ADGRF3: variants seen among roughly 807,000 people sequenced by gnomAD.
ADGRF3 encodes the protein adhesion G protein-coupled receptor F3.
ADGRF3 carries 85 observed loss-of-function variants against 93.2 expected under a neutral mutation model. The observed-to-expected ratio is 0.91, with a 90% CI of 0.77 to 1.09. The LOEUF (loss-of-function observed/expected upper bound fraction) is 1.09, where lower values mean the gene tolerates loss of function less well. Ranked by LOEUF, ADGRF3 falls within the 50% of genes least tolerant of loss-of-function variation. The pLI, the probability that ADGRF3 is intolerant of heterozygous loss-of-function variation, is 0.00. For synonymous variants in ADGRF3, 534 were observed against 532.5 expected, an observed-to-expected ratio of 1.00 and a Z score of -0.04; for missense variants, 1,125 against 1,246.2, an observed-to-expected ratio of 0.90 and a Z score of 1.46.
In ADGRF3 at chr2:26,314,567, C is replaced by G; in HGVS notation, c.775G>C (p.Val259Leu). Residue 259 changes from valine to leucine, a missense_variant, in exon 6 of 14, where the codon GTG (valine) becomes CTG (leucine). Physicochemically the swap from Val to Leu is conservative, Grantham distance 32. Coordinates refer to ENST00000651242, the MANE Select transcript of ADGRF3 (RefSeq NM_001321971.2). The part of the protein sequence containing the change: ...QGFKWNLYEV[V>L]RVPLKATDVA... Reference sequence around the variant, plus strand: ...TCTGTCGCCTTCAAGGGCACCCTCACCACCTCATACAGGTTCCACTTGAAG... The same window carrying G: ...TCTGTCGCCTTCAAGGGCACCCTCAGCACCTCATACAGGTTCCACTTGAAG... 1.2e-6 allele frequency: 2 copies of G among 1,614,078 alleles called. No individual in the cohort carries two copies. Among genetic ancestry groups the G allele is most frequent in the Non-Finnish European group, 1.7e-6 (2 of 1,179,904 alleles).
At position 26,313,830 on chromosome 2, in the gene ADGRF3, C is replaced by T. The variant is rs200075286; in HGVS notation, c.1002G>A (p.Thr334=). ...CCAGGCTCTGCAGGTCACAAGCGTA[C>T]GTGGTGTCAGCCATCGGGCAGCGCT... ...AVQRCPMADT[T]YACDLQSLGL... The change falls in exon 7 of 14, where the codon ACG becomes ACA. Residue 334 remains threonine (T), a synonymous_variant. Coordinates refer to ENST00000651242, the MANE Select transcript of ADGRF3 (RefSeq NM_001321971.2). 29 of 1,613,986 alleles carry T rather than the reference C, an allele frequency of 1.8e-5. No individual in the cohort carries two copies. Among genetic ancestry groups the T allele is most frequent in the East Asian group, 1.6e-4 (7 of 44,864 alleles).
chr2:26,326,787 CT>C (rs1675457102), intron 1 of ADGRF3, among the ~76,000 whole-genome samples: 1 of 151,886 alleles, frequency 6.6e-6, no homozygotes, highest in Non-Finnish European at 1.5e-5. Context: ...TTTCTTTTTT[CT>C]TTGAGATGGA....
At chr2:26,325,537 C>G (rs1312542910) in intron 1 of ADGRF3, among the ~76,000 whole-genome samples, 1 of 152,158 alleles carries the variant, frequency 6.6e-6, no homozygotes, top group Non-Finnish European at 1.5e-5. Flanking sequence ...TATATTAAAG[C>G]TATGTACCTC....
In ADGRF3 at chr2:26,311,363, G is replaced by C; in HGVS notation, c.2161C>G (p.Leu721Val). The change falls in exon 10 of 14, where the codon CTG (leucine) becomes GTG (valine). Residue 721 changes from leucine (L) to valine (V), a missense_variant. By Grantham distance (32) the Leu-to-Val change is conservative (BLOSUM62 1). Coordinates refer to ENST00000651242, the MANE Select transcript of ADGRF3 (RefSeq NM_001321971.2). ...CTCCACACCAGCCAGTACACACCCAGGCACACAAGCAGCGCCAGTATGGAA... is the reference window on the plus strand; with the variant it reads ...CTCCACACCAGCCAGTACACACCCACGCACACAAGCAGCGCCAGTATGGAA... ...GASILALLVC[L>V]GVYWLVWRVV... 6.2e-7 allele frequency: 1 copy of C among 1,614,024 alleles called. No homozygotes were observed. The highest frequency in any genetic ancestry group is 8.5e-7 in the Non-Finnish European group (1 of 1,179,898).
rs201485667 is a variant in ADGRF3, at chr2:26,317,065, C to A, written c.182-10G>T. ...GAGACCAGCGCTGATTCTACAGGAGCAGAGGGGACAGCTGGAGAGGACAGG... is the reference window on the plus strand; with the variant it reads ...GAGACCAGCGCTGATTCTACAGGAGAAGAGGGGACAGCTGGAGAGGACAGG... On this transcript the variant is annotated splice_polypyrimidine_tract_variant and intron_variant, in intron 2 of 13. Coordinates refer to ENST00000651242, the MANE Select transcript of ADGRF3 (RefSeq NM_001321971.2). 9.0e-5 allele frequency: 144 copies of A among 1,601,536 alleles called. No individual in the cohort carries two copies. The African/African-American group carries it at 1.8e-3, about 21-fold the overall frequency.
intron 1 of ADGRF3, 132 bp downstream of exon 1, chr2:26,345,989 G>C: frequency 2.2e-6 from 2 of 889,346 alleles, no homozygotes; most frequent in Non-Finnish European, 3.4e-6. Flanking sequence ...TCGGGGGACG[G>C]GCCGCTCGAG....
chr2:26,317,385 C>T (rs974133633), intron 2 of ADGRF3, 111 bp downstream of exon 2: 35 of 1,042,210 alleles, frequency 3.4e-5, no homozygotes, highest in East Asian at 3.1e-4. Context: ...CCTCTCTCTC[C>T]GCCACCACTC....
At chr2:26,313,348 G>A (rs544607980) in intron 8 of ADGRF3, 29 bp downstream of exon 8, 4 of 1,533,012 alleles carry the variant, frequency 2.6e-6, no homozygotes, top group Non-Finnish European at 2.6e-6. Flanking sequence ...CGTGGAGGGG[G>A]CACGTGGGCA....
At chr2:26,345,966 G>T in intron 1 of ADGRF3, 155 bp downstream of exon 1, 1 of 690,104 alleles carries the variant, frequency 1.4e-6, no homozygotes, top group Non-Finnish European at 2.4e-6. Flanking sequence ...ACGCCGATTG[G>T]ACAACAGCAG....
rs1293579481 is a variant in ADGRF3 at position 26,311,573 on chromosome 2, C to A, written c.1951G>T (p.Asp651Tyr). 1 of 1,613,948 alleles carries A rather than the reference C, an allele frequency of 6.2e-7. No individual in the cohort carries two copies. The highest frequency in any genetic ancestry group is 8.5e-7 in the Non-Finnish European group (1 of 1,179,906). ...TDGSPHCVFW[D>Y]HSLFQGRGGW... ...CCCCTGCCCTGGAAGAGACTGTGAT[C>A]CCAGAAGACACAGTGAGGGGAACCA... The change falls in exon 10 of 14, where the codon GAT becomes TAT. Residue 651 changes from aspartate to tyrosine, a missense_variant. Transcript: ENST00000651242.
At chr2:26,329,921 T>C (rs1268099161) in intron 1 of ADGRF3, among the ~76,000 whole-genome samples, 1 of 152,206 alleles carries the variant, frequency 6.6e-6, no homozygotes, top group Non-Finnish European at 1.5e-5. Context: ...CATTGGTAAA[T>C]GTTGATTGTT....
At chr2:26,345,787 C>T (rs544832768) in intron 1 of ADGRF3, 31 of 357,214 alleles carry the variant, frequency 8.7e-5, no homozygotes, top group Non-Finnish European at 1.4e-4. Flanking sequence ...GATCACCACG[C>T]AAGTGCGGAT....
intron 1 of ADGRF3, among the ~76,000 whole-genome samples, 181 bp from the exon 2 acceptor site, chr2:26,317,743 A>G (rs1009532065): frequency 6.6e-6 from 1 of 152,228 alleles, no homozygotes; most frequent in Admixed American, 6.5e-5. Flanking sequence ...ATGCAACCCC[A>G]GGAACCCTGC....
At chr2:26,318,760 A>C in intron 1 of ADGRF3, 12 of 752,126 alleles carry the variant, frequency 1.6e-5, no homozygotes, top group Non-Finnish European at 2.2e-5. Flanking sequence ...TAAGGAAACA[A>C]GAGCTATCCC....
In ADGRF3 at chr2:26,346,198, T is replaced by C. The variant is rs189047879; in HGVS notation, c.37A>G (p.Thr13Ala). ...TRKLSAHSAA[T>A]PGYKAVTHKH... is the part of the protein sequence containing the mutation. Reference sequence around the variant, plus strand: ...TGTGTCACAGCCTTGTAGCCGGGAGTCGCTGCCGAGTGGGCGCTCAGTTTT... The same window carrying C: ...TGTGTCACAGCCTTGTAGCCGGGAGCCGCTGCCGAGTGGGCGCTCAGTTTT... The change falls in exon 1 of 14, where the codon ACT (threonine) becomes GCT (alanine). Residue 13 changes from threonine (T) to alanine (A), a missense_variant. Coordinates refer to ENST00000651242, the MANE Select transcript of ADGRF3 (RefSeq NM_001321971.2). The C allele has an allele frequency of 4.8e-5, 78 of 1,613,148 alleles. 2 individuals are homozygous for C. In the East Asian group the frequency reaches 1.6e-3, roughly 34 times the overall value.
Position 26,314,423 on chromosome 2 carries a change from C to T in ADGRF3, c.919G>A (p.Gly307Ser). 11 of 1,613,200 alleles carry T rather than the reference C, an allele frequency of 6.8e-6. No homozygotes were observed. The highest frequency in any genetic ancestry group is 9.3e-6 in the Non-Finnish European group (11 of 1,179,588). ...AYTAAWSPGE[G>S]SKASSFNESG... ...TGGCCCCTTCTCATACCTTTGCTGC[C>T]CTCTCCAGGGCTCCAGGCCGCGGTG... Residue 307 changes from glycine to serine, a missense_variant, in exon 6 of 14, where the codon GGC becomes AGC. Gly to Ser is a moderately conservative substitution (Grantham distance 56, BLOSUM62 0). Coordinates refer to ENST00000651242, the MANE Select transcript of ADGRF3 (RefSeq NM_001321971.2).
intron 1 of ADGRF3, among the ~76,000 whole-genome samples, chr2:26,317,846 G>T (rs1465638657): frequency 1.3e-5 from 2 of 152,226 alleles, no homozygotes; most frequent in Non-Finnish European, 2.9e-5. Context: ...TGGGCCTCTA[G>T]GCTAATTGAA....
chr2:26,312,549 T>A (rs1443068179), intron 9 of ADGRF3, among the ~76,000 whole-genome samples: 1 of 152,234 alleles, frequency 6.6e-6, no homozygotes, highest in African/African-American at 2.4e-5. Context: ...TTTGTTACAC[T>A]TTTGGCTGCA....
chr2:26,308,794 A>G lies in ADGRF3; in HGVS notation c.*292T>C. The G allele has an allele frequency of 2.4e-6, 1 of 416,166 alleles. No homozygotes were observed. Among genetic ancestry groups the G allele is most frequent in the Non-Finnish European group, 4.3e-6 (1 of 233,436 alleles). The allele number at this position is 416,166 out of a possible 1,614,324, so 25.8% of individuals were successfully genotyped here. A position where few individuals can be genotyped will look rare whatever the true frequency, so the allele number is the denominator to read the frequency against. On this transcript the variant is annotated 3_prime_UTR_variant, in exon 14 of 14. Coordinates refer to ENST00000651242, the MANE Select transcript of ADGRF3 (RefSeq NM_001321971.2). ...AGTTAAAAACTGGTTGAGAAAGTTT[A>G]CTTGTAATTATTCCGCACTTTGATA... is the stretch of plus-strand genomic sequence containing the variant.
Sources: gnomAD v4.1 joint callset for allele counts (sites outside exome capture counted in the v4.1 genomes callset) on GRCh38, gnomAD v4.1.1 for gene constraint, MANE v1.5 for transcripts, NCBI Gene and HGNC (gene_info 2026-07-23, HGNC 2026-07-21) for gene names.